The following KCNQ3 variants were observed in gnomAD, a reference collection of about 807,000 sequenced individuals.
The protein encoded by KCNQ3 is potassium voltage-gated channel subfamily KQT member 3.
A neutral mutation model predicts 92.5 loss-of-function variants in KCNQ3; 30 were observed. That is an observed-to-expected ratio of 0.32 (90% CI 0.24 to 0.44). The LOEUF (loss-of-function observed/expected upper bound fraction) is 0.44. KCNQ3 is among the 20% of genes least tolerant of loss of function. The pLI is 1.00. For synonymous variants in KCNQ3, 450 were observed against 468.8 expected, an observed-to-expected ratio of 0.96 and a Z score of 0.52; for missense variants, 913 against 1,140.3, an observed-to-expected ratio of 0.80 and a Z score of 2.87.
intron 10 of KCNQ3, 172 bp downstream of exon 10, chr8:132,140,957 C>T: frequency 1.5e-6 from 1 of 673,336 alleles, no homozygotes; most frequent in Non-Finnish European, 2.7e-6. Context: ...AATGCCTCAG[C>T]CCAAGGGACA....
At chr8:132,401,677 T>C (rs1422574316) in intron 1 of KCNQ3, among the ~76,000 whole-genome samples, 1 of 152,052 alleles carries the variant, frequency 6.6e-6, no homozygotes, top group African/African-American at 2.4e-5. Context: ...CTAGGCCAAA[T>C]AGAACACTTT....
At chr8:132,150,057 C>G (rs367962683) in intron 9 of KCNQ3, among the ~76,000 whole-genome samples, 2 of 147,260 alleles carry the variant, frequency 1.4e-5, no homozygotes, top group Non-Finnish European at 3.0e-5. Flanking sequence ...TGTCAGCAGA[C>G]GACTTTTAAA....
chr8:132,214,702 A>G (rs1813969417), intron 1 of KCNQ3, among the ~76,000 whole-genome samples: 1 of 152,228 alleles, frequency 6.6e-6, no homozygotes, highest in East Asian at 1.9e-4. Context: ...ATGGCAAAAC[A>G]TGTTTATGTC....
At chr8:132,239,466 A>C (rs1279392036) in intron 1 of KCNQ3, among the ~76,000 whole-genome samples, 1 of 152,242 alleles carries the variant, frequency 6.6e-6, no homozygotes, top group Admixed American at 6.5e-5. Context: ...GTGGTGATGT[A>C]GAAGAAGACA....
intron 3 of KCNQ3, among the ~76,000 whole-genome samples, chr8:132,181,924 G>A (rs1453123152): frequency 1.3e-5 from 2 of 151,880 alleles, no homozygotes; most frequent in Non-Finnish European, 2.9e-5. Context: ...GGGTGCCTGT[G>A]GTCTCAGCTA....
At chr8:132,296,159 T>C (rs1817015125) in intron 1 of KCNQ3, among the ~76,000 whole-genome samples, 1 of 152,236 alleles carries the variant, frequency 6.6e-6, no homozygotes, top group African/African-American at 2.4e-5. Context: ...CATGTGGCCA[T>C]TGCGTACCAT....
intron 1 of KCNQ3, among the ~76,000 whole-genome samples, chr8:132,432,989 A>C (rs181515710): frequency 1.3e-5 from 2 of 152,354 alleles, no homozygotes; most frequent in Admixed American, 6.5e-5. Context: ...AGATAAAATC[A>C]CAAATGGTCT....
chr8:132,468,285 G>A (rs1178514244), intron 1 of KCNQ3, among the ~76,000 whole-genome samples: 1 of 152,126 alleles, frequency 6.6e-6, no homozygotes, highest in African/African-American at 2.4e-5. Flanking sequence ...TAGTCCAATT[G>A]GGCTAAGCGA....
intron 1 of KCNQ3, among the ~76,000 whole-genome samples, chr8:132,361,837 C>A (rs925473516): frequency 2.0e-5 from 3 of 152,014 alleles, no homozygotes; most frequent in Non-Finnish European, 2.9e-5. Context: ...ATGTGTAAAA[C>A]AAAGTCAAAG....
rs536618150 is a variant in KCNQ3 at position 132,122,383 on chromosome 8, A to T, written c.*6879T>A. The T allele has an allele frequency of 2.6e-5, 4 of 152,310 alleles. No homozygotes were observed. The highest frequency in any genetic ancestry group is 1.3e-4 in the Admixed American group (2 of 15,304). 9.4% of individuals were successfully genotyped at this position (152,310 alleles called of 1,614,324 possible). ...GAAGAGAAGGGAACATTAACATAAA[A>T]TATGGTCTCATTTTTTATTACTCTT... On this transcript the variant is annotated 3_prime_UTR_variant, in exon 15 of 15. Transcript: ENST00000388996.
intron 1 of KCNQ3, among the ~76,000 whole-genome samples, chr8:132,383,758 G>A (rs1464692415): frequency 6.6e-6 from 1 of 152,160 alleles, no homozygotes; most frequent in Non-Finnish European, 1.5e-5. Flanking sequence ...GATGGAAAAG[G>A]AACCTATCTG....
At chr8:132,315,154 A>G (rs1817704664) in intron 1 of KCNQ3, among the ~76,000 whole-genome samples, 1 of 152,178 alleles carries the variant, frequency 6.6e-6, no homozygotes, top group African/African-American at 2.4e-5. Flanking sequence ...AGAAATGAGA[A>G]ATTGAATATA....
At chr8:132,137,719 C>T (rs528534727) in intron 12 of KCNQ3, among the ~76,000 whole-genome samples, 166 bp downstream of exon 12, 38 of 152,246 alleles carry the variant, frequency 2.5e-4, no homozygotes, top group African/African-American at 8.4e-4. Flanking sequence ...ACAGTCTGTC[C>T]GATCTGGTGC....
At chr8:132,296,593 T>C (rs1388410046) in intron 1 of KCNQ3, among the ~76,000 whole-genome samples, 4 of 149,256 alleles carry the variant, frequency 2.7e-5, no homozygotes, top group Non-Finnish European at 4.5e-5. Flanking sequence ...CCTGTGTCCA[T>C]GTGTTCCCAT....
intron 6 of KCNQ3, among the ~76,000 whole-genome samples, chr8:132,173,295 C>A (rs1456590220): frequency 4.6e-5 from 7 of 151,688 alleles, no homozygotes; most frequent in African/African-American, 1.5e-4. Context: ...CCTGACTCAT[C>A]AATGAGAAAA....
intron 1 of KCNQ3, among the ~76,000 whole-genome samples, chr8:132,263,884 G>A (rs993244643): frequency 1.3e-5 from 2 of 152,074 alleles, no homozygotes; most frequent in Non-Finnish European, 1.5e-5. Flanking sequence ...CCAGCTCTTC[G>A]GGTCACCCTG....
intron 1 of KCNQ3, among the ~76,000 whole-genome samples, chr8:132,355,492 C>A (rs559780301): frequency 6.6e-6 from 1 of 152,062 alleles, no homozygotes; most frequent in Non-Finnish European, 1.5e-5. Context: ...GACATGTAAC[C>A]CTGAGTCTGC....
intron 1 of KCNQ3, among the ~76,000 whole-genome samples, chr8:132,253,832 G>A (rs1347046987): frequency 6.6e-6 from 1 of 152,134 alleles, no homozygotes; most frequent in Non-Finnish European, 1.5e-5. Flanking sequence ...ATCTATTCCT[G>A]GCCCTGGGGC....
chr8:132,180,297 C>T lies in KCNQ3; in HGVS notation c.637G>A (p.Val213Ile). ...ACATTGCCTTGGTTTCCCACAGCAA[C>T]CACTGGCACAGAGGCAATCAGCACA... is the stretch of plus-strand genomic sequence containing the variant. ...IFVLIASVPV[V>I]AVGNQGNVLA... is the part of the protein sequence containing the mutation. Residue 213 changes from valine to isoleucine, a missense_variant, in exon 4 of 15, where the codon GTT becomes ATT. Val to Ile is a conservative substitution (Grantham distance 29). This residue lies in a region of KCNQ3 where 100 missense variants were observed against 217.6 expected (regional missense o/e 0.46). Transcript: ENST00000388996. 1.2e-6 allele frequency: 2 copies of T among 1,614,128 alleles called. No homozygotes were observed. Among genetic ancestry groups the T allele is most frequent in the Non-Finnish European group, 1.7e-6 (2 of 1,180,042 alleles).
Sources: allele counts gnomAD v4.1 joint callset (sites outside exome capture counted in the v4.1 genomes callset), GRCh38; gene constraint gnomAD v4.1.1; regional missense constraint gnomAD v4.1.1; transcripts MANE v1.5; gene names NCBI Gene and HGNC (gene_info 2026-07-23, HGNC 2026-07-21).